The following PRRC2B variants were observed in gnomAD, a reference collection of about 807,000 sequenced individuals.
PRRC2B encodes protein PRRC2B.
In PRRC2B, 68 loss-of-function variants were observed where a neutral mutation model predicts 242.3. The ratio of observed to expected loss-of-function variants is 0.28; its 90% confidence interval spans 0.23 to 0.34. The LOEUF (loss-of-function observed/expected upper bound fraction) is 0.34. Among genes scored for constraint, PRRC2B ranks in the 10% least tolerant of loss-of-function variants. The pLI, the probability that PRRC2B is intolerant of heterozygous loss-of-function variation, is 1.00. For missense variants in PRRC2B, 2,835 were observed against 2,954.8 expected (o/e 0.96, Z 0.94); for synonymous variants, 1,228 against 1,173.6 (o/e 1.05, Z -0.95).
chr9:131,374,828 AT>A (rs943092631), intron 1 of PRRC2B, among the ~76,000 whole-genome samples: 6 of 149,350 alleles, frequency 4.0e-5, no homozygotes, highest in South Asian at 2.1e-4. Context: ...TGCCCAGCCG[AT>A]TTTTTTTTTA....
At chr9:131,380,885 C>CAAAAAAAAAA (rs1836749979) in intron 1 of PRRC2B, among the ~76,000 whole-genome samples, 1 of 21,942 alleles carries the variant, frequency 4.6e-5, no homozygotes. Context: ...GATTCTGTCT[C>CAAAAAAAAAA]CAAAAAAAAA....
chr9:131,413,672 G>A (rs1244282239), intron 1 of PRRC2B, among the ~76,000 whole-genome samples: 2 of 149,650 alleles, frequency 1.3e-5, no homozygotes, highest in African/African-American at 4.9e-5. Context: ...ACTAATCAAA[G>A]CATTATTTTG....
At position 131,430,349 on chromosome 9, in the gene PRRC2B, G is replaced by A. The variant is rs1348509849; in HGVS notation, c.115+90G>A. On this transcript the variant is annotated intron_variant, in intron 2 of 31. Transcript: ENST00000683519. The stretch of plus-strand genomic sequence containing the variant: ...GAGTCCCTCACCTGGTTAGACAGAT[G>A]TGGTCCGTGCACACCAGGCTTCTGG... 1.3e-4 allele frequency: 99 copies of A among 763,276 alleles called. No homozygotes were observed. The South Asian group carries it at 1.5e-3, about 12-fold the overall frequency. The allele number at this position is 763,276 out of a possible 1,614,324, so 47.3% of individuals were successfully genotyped here.
chr9:131,374,804 GGCGTGAGCCACCAT>G (rs1836662674), intron 1 of PRRC2B, among the ~76,000 whole-genome samples: 1 of 152,190 alleles, frequency 6.6e-6, no homozygotes, highest in African/African-American at 2.4e-5. Context: ...TGGAATTACA[GGCGTGAGCCACCAT>G]GCCCAGCCGA....
intron 1 of PRRC2B, among the ~76,000 whole-genome samples, chr9:131,386,262 A>C (rs1191335092): frequency 1.3e-5 from 2 of 150,208 alleles, no homozygotes; most frequent in African/African-American, 4.9e-5. Context: ...GCAAGTGTGC[A>C]CCAACATTCT....
rs531882016 is a variant in PRRC2B, at chr9:131,494,836, G to A, written c.6555+350G>A. On this transcript the variant is annotated intron_variant, in intron 31 of 31. Coordinates refer to ENST00000683519, the MANE Select transcript of PRRC2B (RefSeq NM_013318.4). This position sits in a 1 kb window ranked among gnomAD's most constrained non-coding sequence, Gnocchi z 4.3. Reference sequence around the variant, plus strand: ...CGGCTTTAGGAGCCGGGGTGCGCGCGCTGGTTCTAGTCAGTGGTGTGTCTC... The same window carrying A: ...CGGCTTTAGGAGCCGGGGTGCGCGCACTGGTTCTAGTCAGTGGTGTGTCTC... 2.6e-5 allele frequency among the ~76,000 whole-genome samples: 4 copies of A among 152,298 alleles called. No homozygotes were observed. Among genetic ancestry groups the A allele is most frequent in the East Asian group, 1.9e-4 (1 of 5,176 alleles).
chr9:131,416,602 C>T (rs544217026), intron 1 of PRRC2B, among the ~76,000 whole-genome samples: 8 of 141,560 alleles, frequency 5.7e-5, no homozygotes, highest in African/African-American at 1.8e-4. Context: ...TTCAGATGTT[C>T]TTAGCTTGTA....
intron 1 of PRRC2B, among the ~76,000 whole-genome samples, chr9:131,406,377 T>C (rs1367126767): frequency 6.6e-6 from 1 of 152,108 alleles, no homozygotes; most frequent in Non-Finnish European, 1.5e-5. Context: ...CTGCCCTGTG[T>C]CTAGTCTGTT....
chr9:131,474,957 A>G lies in PRRC2B; in HGVS notation c.2828A>G (p.Lys943Arg). 6.3e-7 allele frequency: 1 copy of G among 1,597,412 alleles called. No homozygotes were observed. The highest frequency in any genetic ancestry group is 1.7e-4 in the Middle Eastern group (1 of 6,046). ...AGGACCCGGAGGTCGGGACCCATCA[A>G]GAAACCAGTCCTGAAAGCCCTCAAG... Reference protein sequence around the residue: ...TGRTRRSGPIKKPVLKALKVE... With the variant: ...TGRTRRSGPIRKPVLKALKVE... The change falls in exon 16 of 32, where the codon AAG (lysine) becomes AGG (arginine). Residue 943 changes from lysine to arginine, a missense_variant. Physicochemically the swap from Lys to Arg is conservative, Grantham distance 26 (BLOSUM62 2). Around this residue, in one of 7 missense-constraint regions of PRRC2B, gnomAD observed 1,536 missense variants for 1,483.1 expected, o/e 1.04. Transcript: ENST00000683519.
chr9:131,479,192 G>A, intron 18 of PRRC2B, 60 bp from the exon 19 acceptor site: 1 of 1,562,756 alleles, frequency 6.4e-7, no homozygotes, highest in Non-Finnish European at 8.8e-7. Flanking sequence ...ACTTATCCTG[G>A]GGAGAATTTG....
chr9:131,429,128 G>A (rs905649930), intron 1 of PRRC2B, among the ~76,000 whole-genome samples: 1 of 152,178 alleles, frequency 6.6e-6, no homozygotes, highest in Non-Finnish European at 1.5e-5. Context: ...TGTGTTTTCA[G>A]TAGAGACAGG....
At chr9:131,481,830 A>AT in intron 20 of PRRC2B, 22 bp downstream of exon 20, 8 of 1,542,820 alleles carry the variant, frequency 5.2e-6, no homozygotes, top group Non-Finnish European at 7.0e-6. Context: ...CGCTGCCCAC[A>AT]TGCTGCCCCT....
rs903306328 is a variant in PRRC2B, at chr9:131,432,765, A to G, written c.264A>G (p.Ala88=). Residue 88 remains alanine (A), a synonymous_variant, in exon 3 of 32, where the codon GCA becomes GCG. Transcript: ENST00000683519. ...TACCCAAGGACGGGACGGGATGGGC[A>G]AACAAGCAGGATCAGCAAGACCCAA... ...VIVPKDGTGW[A]NKQDQQDPKS... 1.2e-6 allele frequency: 2 copies of G among 1,613,964 alleles called. No homozygotes were observed. The highest frequency in any genetic ancestry group is 2.7e-5 in the African/African-American group (2 of 74,952).
At position 131,470,936 on chromosome 9, in the gene PRRC2B, C is replaced by T. The variant is rs757175940; in HGVS notation, c.2060C>T (p.Pro687Leu). 2.9e-5 allele frequency: 47 copies of T among 1,612,332 alleles called. No individual in the cohort carries two copies. The highest frequency in any genetic ancestry group is 3.7e-5 in the Non-Finnish European group (44 of 1,179,136). The change falls in exon 14 of 32, where the codon CCC becomes CTC. Residue 687 changes from proline (P) to leucine (L), a missense_variant. Transcript: ENST00000683519. ...MPSYMDPRIT[P>L]TRTPVDFYPS... is the part of the protein sequence containing the mutation. The stretch of plus-strand genomic sequence containing the variant: ...TCCTACATGGACCCACGTATCACGC[C>T]CACTCGGACCCCGGTGGACTTCTAC...
Position 131,438,178 on chromosome 9 carries a change from C to T in PRRC2B, c.397-811C>T, listed in dbSNP as rs140082580. Among the ~76,000 whole-genome samples the T allele has an allele frequency of 2.1e-3, 313 of 152,300 alleles. 1 individual carries two copies. Among genetic ancestry groups the T allele is most frequent in the African/African-American group, 7.2e-3 (298 of 41,548 alleles). The stretch of plus-strand genomic sequence containing the variant: ...GCAGCAGCTTTGTTTTGTGTATTTT[C>T]ACCTTCAGTTAGAAGAGGAAGGCTG... On this transcript the variant is annotated intron_variant, in intron 4 of 31. Transcript: ENST00000683519.
chr9:131,495,881 C>T lies in PRRC2B; in HGVS notation c.*7C>T. 6.3e-7 allele frequency: 1 copy of T among 1,599,154 alleles called. No homozygotes were observed. Among genetic ancestry groups the T allele is most frequent in the Non-Finnish European group, 8.6e-7 (1 of 1,168,322 alleles). On this transcript the variant is annotated 3_prime_UTR_variant, in exon 32 of 32. Transcript: ENST00000683519. ...GGAGGAGAGTAAGGCCTGACAGTGC[C>T]TGGCTGCCACCTCGCCTCTCCCTAC...
At position 131,455,188 on chromosome 9, in the gene PRRC2B, A is replaced by G. The variant is rs144615003; in HGVS notation, c.1211+22A>G. ...AGTGGTAAGGACCCGTTCCTGCCCT[A>G]TCAGCATGAGTGCATCCCTGCTTAG... is the stretch of plus-strand genomic sequence containing the variant. On this transcript the variant is annotated intron_variant, in intron 10 of 31. Transcript: ENST00000683519. 4.5e-4 allele frequency: 696 copies of G among 1,557,916 alleles called. 3 individuals are homozygous for G. The African/African-American group carries it at 8.5e-3, about 19-fold the overall frequency.
At chr9:131,491,745 G>A (rs1011564809) in intron 29 of PRRC2B, among the ~76,000 whole-genome samples, 165 bp downstream of exon 29, 8 of 152,210 alleles carry the variant, frequency 5.3e-5, no homozygotes, top group African/African-American at 1.7e-4. Flanking sequence ...GGCAGGTCCT[G>A]GGGACTCTGA....
chr9:131,475,249 T>C lies in PRRC2B; in HGVS notation c.3120T>C (p.Asp1040=). 1 of 1,613,472 alleles carries C rather than the reference T, an allele frequency of 6.2e-7. No homozygotes were observed. The highest frequency in any genetic ancestry group is 8.5e-7 in the Non-Finnish European group (1 of 1,179,668). ...WEARPPRESS[D]VPPMKRNNWI... is the part of the protein sequence containing the mutation. ...CCAGACCCCCACGAGAGTCCAGCGA[T>C]GTTCCCCCCATGAAGAGAAATAACT... is the stretch of plus-strand genomic sequence containing the variant. Residue 1040 remains aspartate (D), a synonymous_variant, in exon 16 of 32, where the codon GAT becomes GAC. Coordinates refer to ENST00000683519, the MANE Select transcript of PRRC2B (RefSeq NM_013318.4).
Sources: gnomAD v4.1 joint callset for allele counts (sites outside exome capture counted in the v4.1 genomes callset) on GRCh38, gnomAD v4.1.1 for gene constraint, gnomAD v4.1.1 regional missense constraint, Gnocchi (gnomAD v3.1) non-coding constraint, MANE v1.5 for transcripts, NCBI Gene and HGNC (gene_info 2026-07-23, HGNC 2026-07-21) for gene names.